The following CNTNAP5 variants were observed in gnomAD, a reference collection of about 807,000 sequenced individuals.
CNTNAP5 encodes contactin-associated protein-like 5.
In CNTNAP5, 72 loss-of-function variants were observed where a neutral mutation model predicts 150.2. The observed-to-expected ratio is 0.48, with a 90% CI of 0.40 to 0.58. The LOEUF is 0.58. CNTNAP5 is among the 20% of genes least tolerant of loss of function. The pLI is 0.00. For missense variants in CNTNAP5, 1,636 were observed against 1,626.2 expected, an observed-to-expected ratio of 1.01 and a Z score of -0.10; for synonymous variants, 672 against 619.8, an observed-to-expected ratio of 1.08 and a Z score of -1.25.
intron 1 of CNTNAP5, among the ~76,000 whole-genome samples, chr2:124,133,559 C>T (rs1011061281): frequency 2.1e-4 from 32 of 152,120 alleles, no homozygotes; most frequent in Non-Finnish European, 3.8e-4. Context: ...TAGAAGATTC[C>T]ACCCACATGT....
In CNTNAP5 at chr2:124,125,505, G is replaced by A. The variant is rs77530338; in HGVS notation, c.83-96200G>A. On this transcript the variant is annotated intron_variant, in intron 1 of 23. Transcript: ENST00000682447. Reference sequence around the variant, plus strand: ...CACTGTCAACATTAGACAGATCAACGAGACAGAAAGTTAACAAGGCTATCC... The same window carrying A: ...CACTGTCAACATTAGACAGATCAACAAGACAGAAAGTTAACAAGGCTATCC... Among the ~76,000 whole-genome samples, 11 of 152,198 alleles carry A rather than the reference G, an allele frequency of 7.2e-5. No individual in the cohort carries two copies. The East Asian group carries it at 9.7e-4, about 13-fold the overall frequency.
At chr2:124,256,587 G>A (rs1282580468) in intron 3 of CNTNAP5, among the ~76,000 whole-genome samples, 1 of 152,096 alleles carries the variant, frequency 6.6e-6, no homozygotes, top group Non-Finnish European at 1.5e-5. Flanking sequence ...AATAATCAAG[G>A]AAGGAGCTTA....
At chr2:124,581,058 A>G (rs1254975317) in intron 11 of CNTNAP5, among the ~76,000 whole-genome samples, 1 of 152,156 alleles carries the variant, frequency 6.6e-6, no homozygotes, top group East Asian at 1.9e-4. Context: ...TATGATAGGG[A>G]AGAGCACAGA....
At chr2:124,817,926 G>A (rs768913703) in intron 19 of CNTNAP5, among the ~76,000 whole-genome samples, 5 of 152,088 alleles carry the variant, frequency 3.3e-5, no homozygotes, top group Non-Finnish European at 7.4e-5. Flanking sequence ...CAAATGGGCC[G>A]GTCTTGTGTT....
chr2:124,634,459 C>A (rs1677930219), intron 12 of CNTNAP5, among the ~76,000 whole-genome samples: 1 of 152,040 alleles, frequency 6.6e-6, no homozygotes, highest in Non-Finnish European at 1.5e-5. Context: ...TAATAAGTTT[C>A]TTTTTATATA....
intron 23 of CNTNAP5, among the ~76,000 whole-genome samples, chr2:124,913,332 A>G (rs1678694359): frequency 1.3e-5 from 2 of 152,074 alleles, no homozygotes; most frequent in African/African-American, 4.8e-5. Context: ...ATTGCCTTTC[A>G]TGTTCCAAGA....
intron 19 of CNTNAP5, among the ~76,000 whole-genome samples, chr2:124,861,909 G>T (rs1232000359): frequency 6.6e-6 from 1 of 152,144 alleles, no homozygotes; most frequent in Non-Finnish European, 1.5e-5. Context: ...TACCTCCCAG[G>T]TTGAAGCGAT....
intron 19 of CNTNAP5, among the ~76,000 whole-genome samples, chr2:124,844,369 A>G (rs1317328939): frequency 6.6e-6 from 1 of 152,058 alleles, no homozygotes; most frequent in African/African-American, 2.4e-5. Context: ...CCATTAGTCT[A>G]TGTGCCTATT....
intron 12 of CNTNAP5, among the ~76,000 whole-genome samples, chr2:124,618,860 C>T (rs1057264490): frequency 2.6e-5 from 4 of 152,034 alleles, no homozygotes; most frequent in East Asian, 3.9e-4. Context: ...ATAAATGAAG[C>T]GTAGACTTGT....
intron 1 of CNTNAP5, among the ~76,000 whole-genome samples, chr2:124,119,022 G>C (rs1321778272): frequency 6.6e-6 from 1 of 152,192 alleles, no homozygotes; most frequent in Admixed American, 6.5e-5. Flanking sequence ...CTTTCTTTCT[G>C]TTGGTGGATC....
At chr2:124,169,915 C>T (rs1382483390) in intron 1 of CNTNAP5, among the ~76,000 whole-genome samples, 2 of 152,188 alleles carry the variant, frequency 1.3e-5, no homozygotes, top group Admixed American at 6.5e-5. Context: ...CGAGGGTAGC[C>T]TTCCACCACC....
intron 17 of CNTNAP5, among the ~76,000 whole-genome samples, chr2:124,783,513 A>C (rs1189902832): frequency 6.6e-6 from 1 of 152,190 alleles, no homozygotes; most frequent in East Asian, 1.9e-4. Flanking sequence ...TAAAGCCAGT[A>C]ATAACAATGC....
chr2:124,660,946 A>G (rs1678575365), intron 13 of CNTNAP5, among the ~76,000 whole-genome samples: 1 of 76,256 alleles, frequency 1.3e-5, no homozygotes, highest in Non-Finnish European at 2.8e-5. Context: ...TGGGTCTCAA[A>G]AAAAAAAAAA....
At chr2:124,893,435 A>G (rs1678240297) in intron 21 of CNTNAP5, among the ~76,000 whole-genome samples, 1 of 152,148 alleles carries the variant, frequency 6.6e-6, no homozygotes, top group Non-Finnish European at 1.5e-5. Context: ...AATAAGAACT[A>G]TGGTAGTTCC....
At chr2:124,050,937 A>G (rs1013005783) in intron 1 of CNTNAP5, among the ~76,000 whole-genome samples, 30 of 152,198 alleles carry the variant, frequency 2.0e-4, no homozygotes, top group African/African-American at 6.8e-4. Flanking sequence ...AGGCACCAGG[A>G]TAACATCTAG....
chr2:124,436,041 C>T (rs1692523693), intron 5 of CNTNAP5, among the ~76,000 whole-genome samples: 2 of 152,198 alleles, frequency 1.3e-5, no homozygotes, highest in South Asian at 4.1e-4. Flanking sequence ...CCAAATACTA[C>T]ACAAACATGC....
chr2:124,325,873 A>G (rs929996345), intron 3 of CNTNAP5, among the ~76,000 whole-genome samples: 2 of 152,178 alleles, frequency 1.3e-5, no homozygotes, highest in African/African-American at 4.8e-5. Context: ...GGGATGAGCC[A>G]TGCTTGCTGG....
intron 10 of CNTNAP5, among the ~76,000 whole-genome samples, chr2:124,545,534 A>G (rs1027716976): frequency 1.3e-5 from 2 of 152,142 alleles, no homozygotes; most frequent in Non-Finnish European, 2.9e-5. Context: ...ATAACATTTA[A>G]CATATATTTA....
chr2:124,372,219 A>C (rs1434832219), intron 3 of CNTNAP5, among the ~76,000 whole-genome samples: 1 of 151,968 alleles, frequency 6.6e-6, no homozygotes, highest in East Asian at 1.9e-4. Context: ...GGACTCTGTG[A>C]CTTATTCCAG....
Sources: allele counts gnomAD v4.1 joint callset (sites outside exome capture counted in the v4.1 genomes callset), GRCh38; gene constraint gnomAD v4.1.1; transcripts MANE v1.5; gene names NCBI Gene and HGNC (gene_info 2026-07-23, HGNC 2026-07-21).